Variants in PIBF1 observed in about 807,000 individuals in gnomAD.
PIBF1 encodes the protein progesterone-induced-blocking factor 1.
In PIBF1, 90 loss-of-function variants were observed where a neutral mutation model predicts 112.5. The observed-to-expected ratio is 0.80, with a 90% CI of 0.67 to 0.95. PIBF1 has a LOEUF of 0.95. PIBF1 is among the 40% of genes least tolerant of loss of function. The probability of loss-of-function intolerance (pLI) is 0.00; values close to 1 mark genes in which losing one functional copy is unlikely to be tolerated. For missense variants in PIBF1, 915 were observed against 852.3 expected, an observed-to-expected ratio of 1.07 and a Z score of -0.92; for synonymous variants, 301 against 288.6, an observed-to-expected ratio of 1.04 and a Z score of -0.44.
At chr13:72,908,436 C>CA (rs1187430525) in intron 11 of PIBF1, 95 bp from the exon 12 acceptor site, 3 of 583,648 alleles carry the variant, frequency 5.1e-6, no homozygotes, top group Non-Finnish European at 5.5e-6. Flanking sequence ...ATTTAAATAA[C>CA]AAAAAAAGCC....
intron 10 of PIBF1, among the ~76,000 whole-genome samples, chr13:72,874,675 T>C (rs1419261204): frequency 6.6e-6 from 1 of 152,192 alleles, no homozygotes; most frequent in East Asian, 1.9e-4. Context: ...AAAACAGTTG[T>C]TGAAACTTAT....
chr13:72,948,606 A>G (rs890936002), intron 14 of PIBF1, among the ~76,000 whole-genome samples: 4 of 152,210 alleles, frequency 2.6e-5, no homozygotes, highest in African/African-American at 7.2e-5. Flanking sequence ...CCCACTACCC[A>G]GTACTGATTT....
intron 15 of PIBF1, among the ~76,000 whole-genome samples, chr13:72,966,368 A>C (rs2042738197): frequency 6.6e-6 from 1 of 152,190 alleles, no homozygotes; most frequent in African/African-American, 2.4e-5. Flanking sequence ...GATTTGTTTA[A>C]ATAATTTAGG....
At chr13:72,995,696 A>G (rs2043630886) in intron 16 of PIBF1, among the ~76,000 whole-genome samples, 1 of 152,170 alleles carries the variant, frequency 6.6e-6, no homozygotes, top group South Asian at 2.1e-4. Flanking sequence ...TCACGCCTGT[A>G]ATCCCAGCAC....
At chr13:72,952,322 G>C (rs547272370) in intron 14 of PIBF1, among the ~76,000 whole-genome samples, 1 of 152,160 alleles carries the variant, frequency 6.6e-6, no homozygotes, top group East Asian at 1.9e-4. Flanking sequence ...CCAAAGTGCT[G>C]AGATTACAGG....
At chr13:72,915,323 G>A (rs1360705186) in intron 12 of PIBF1, among the ~76,000 whole-genome samples, 2 of 152,110 alleles carry the variant, frequency 1.3e-5, no homozygotes, top group Non-Finnish European at 2.9e-5. Flanking sequence ...GCACTCAGAT[G>A]CAGTTGCCCT....
At position 72,821,893 on chromosome 13, in the gene PIBF1, AT is replaced by A; in HGVS notation, c.718del (p.Cys240ValfsTer6). 1.9e-6 allele frequency: 3 copies of A among 1,612,828 alleles called. No homozygotes were observed. The highest frequency in any genetic ancestry group is 1.7e-6 in the Non-Finnish European group (2 of 1,179,160). On this transcript the variant is annotated frameshift_variant, in exon 6 of 18. Transcript: ENST00000326291. LOFTEE classifies it high-confidence loss of function. ...RKNYSEVQIR[C>X]QRLALELADT... ...AAAACTACTCTGAAGTTCAAATTAGATGTCAACGTTTGGCCTTAGAATTAGC... is the reference window on the plus strand; with the variant it reads ...AAAACTACTCTGAAGTTCAAATTAGAGTCAACGTTTGGCCTTAGAATTAGC...
intron 15 of PIBF1, among the ~76,000 whole-genome samples, chr13:72,971,185 A>AGTGT (rs771878197): frequency 0.17 from 20,921 of 119,888 alleles, 1,817 homozygotes; most frequent in Admixed American, 0.28. Context: ...ACAGAGAGTG[A>AGTGT]GTGTGTGTGT....
intron 10 of PIBF1, among the ~76,000 whole-genome samples, chr13:72,870,592 T>C (rs928509539): frequency 3.9e-5 from 6 of 152,182 alleles, no homozygotes; most frequent in African/African-American, 1.4e-4. Flanking sequence ...TAAAACAATT[T>C]CAGTTTTGAA....
intron 5 of PIBF1, among the ~76,000 whole-genome samples, chr13:72,809,837 C>T (rs2035924688): frequency 6.6e-6 from 1 of 152,076 alleles, no homozygotes; most frequent in African/African-American, 2.4e-5. Context: ...GATCTGCCTG[C>T]CCTGGCCTCT....
At chr13:72,860,031 G>C (rs1334356522) in intron 10 of PIBF1, among the ~76,000 whole-genome samples, 1 of 152,190 alleles carries the variant, frequency 6.6e-6, no homozygotes, top group South Asian at 2.1e-4. Context: ...CGTAAAGATA[G>C]TAGGACTTTT....
chr13:72,889,052 A>G (rs947125704), intron 10 of PIBF1, among the ~76,000 whole-genome samples: 3 of 152,094 alleles, frequency 2.0e-5, no homozygotes, highest in African/African-American at 7.2e-5. Flanking sequence ...ATACAAAAAA[A>G]AAAGAAAAGA....
chr13:72,972,011 T>C (rs1276017034), intron 15 of PIBF1, among the ~76,000 whole-genome samples: 2 of 120,164 alleles, frequency 1.7e-5, no homozygotes, highest in Admixed American at 7.4e-5. Context: ...TTCATTTATT[T>C]ATTTATTTAT....
chr13:72,854,294 ATTT>A (rs887233289), intron 10 of PIBF1, 139 bp downstream of exon 10: 58 of 601,430 alleles, frequency 9.6e-5, no homozygotes, highest in Middle Eastern at 4.2e-4. Context: ...AATAATTTTC[ATTT>A]CAATTTTCAT....
intron 14 of PIBF1, among the ~76,000 whole-genome samples, chr13:72,956,222 C>T (rs2042441255): frequency 6.6e-6 from 1 of 152,082 alleles, no homozygotes; most frequent in South Asian, 2.1e-4. Context: ...TCCTATTTCC[C>T]ATTATCTCCA....
At chr13:72,821,164 G>A (rs1212998365) in intron 5 of PIBF1, among the ~76,000 whole-genome samples, 3 of 152,092 alleles carry the variant, frequency 2.0e-5, no homozygotes, top group African/African-American at 7.2e-5. Context: ...AGGGTTGGAG[G>A]GTGAAGTGTG....
intron 11 of PIBF1, among the ~76,000 whole-genome samples, chr13:72,901,404 G>A (rs1272611330): frequency 6.6e-6 from 1 of 151,964 alleles, no homozygotes; most frequent in African/African-American, 2.4e-5. Flanking sequence ...TCAAAAAGCA[G>A]TAGGCTGGGC....
intron 2 of PIBF1, among the ~76,000 whole-genome samples, chr13:72,787,464 T>C (rs1054310673): frequency 4.6e-5 from 7 of 152,136 alleles, no homozygotes; most frequent in Non-Finnish European, 1.0e-4. Context: ...TTTCTTGGTG[T>C]TTCAATGAGG....
chr13:72,888,754 T>C (rs2039948953), intron 10 of PIBF1, among the ~76,000 whole-genome samples: 1 of 150,918 alleles, frequency 6.6e-6, no homozygotes, highest in South Asian at 2.1e-4. Context: ...GAGAAGAATA[T>C]GTGTGATATG....
Sources: allele counts gnomAD v4.1 joint callset (sites outside exome capture counted in the v4.1 genomes callset), GRCh38; gene constraint gnomAD v4.1.1; transcripts MANE v1.5; gene names NCBI Gene and HGNC (gene_info 2026-07-23, HGNC 2026-07-21).